Variants in PBX3 observed in about 807,000 individuals in gnomAD.
The protein encoded by PBX3 is pre-B-cell leukemia transcription factor 3.
PBX3 carries 14 observed loss-of-function variants against 48.5 expected under a neutral mutation model. The ratio of observed to expected loss-of-function variants is 0.29; its 90% confidence interval spans 0.19 to 0.45. The LOEUF (loss-of-function observed/expected upper bound fraction) is 0.45. Ranked by LOEUF, PBX3 falls within the 20% of genes least tolerant of loss-of-function variation. The pLI is 1.00. For synonymous variants in PBX3, 210 were observed against 200.3 expected (o/e 1.05, Z -0.41); for missense variants, 386 against 546.7 (o/e 0.71, Z 2.93).
At chr9:125,902,635 A>G (rs1236874661) in intron 2 of PBX3, among the ~76,000 whole-genome samples, 1 of 151,758 alleles carries the variant, frequency 6.6e-6, no homozygotes, top group Non-Finnish European at 1.5e-5. Context: ...ATGAATAGCT[A>G]CCTTTTTAAA....
At chr9:125,771,928 G>A (rs777901322) in intron 2 of PBX3, among the ~76,000 whole-genome samples, 3 of 152,156 alleles carry the variant, frequency 2.0e-5, no homozygotes, top group African/African-American at 4.8e-5. Context: ...TTAGCGTGCT[G>A]GGTAACCAGG....
intron 4 of PBX3, among the ~76,000 whole-genome samples, chr9:125,932,002 A>G (rs927462356): frequency 2.0e-5 from 3 of 152,198 alleles, no homozygotes; most frequent in African/African-American, 4.8e-5. Context: ...TTATTTATAT[A>G]TCACTAAATT....
At chr9:125,770,285 T>G (rs1218705692) in intron 2 of PBX3, among the ~76,000 whole-genome samples, 1 of 152,164 alleles carries the variant, frequency 6.6e-6, no homozygotes, top group Non-Finnish European at 1.5e-5. Context: ...TAATATGAAC[T>G]GTTGAAAAAA....
intron 2 of PBX3, among the ~76,000 whole-genome samples, chr9:125,781,532 G>A (rs1274016261): frequency 4.2e-5 from 6 of 143,460 alleles, no homozygotes; most frequent in South Asian, 2.3e-4. Context: ...GAGGGTGACC[G>A]AGAGGGAGAG....
chr9:125,772,093 G>T (rs936114018), intron 2 of PBX3, among the ~76,000 whole-genome samples: 2 of 152,152 alleles, frequency 1.3e-5, no homozygotes, highest in African/African-American at 4.8e-5. Flanking sequence ...AATTCAAAGT[G>T]AATCTTTCTG....
At chr9:125,918,472 G>A (rs1368639116) in intron 3 of PBX3, among the ~76,000 whole-genome samples, 2 of 151,704 alleles carry the variant, frequency 1.3e-5, no homozygotes, top group East Asian at 3.9e-4. Context: ...TTTTTAAATT[G>A]AAGATCAAAT....
At chr9:125,960,532 C>A in intron 5 of PBX3, 152 bp from the exon 6 acceptor site, 2 of 656,240 alleles carry the variant, frequency 3.0e-6, no homozygotes, top group Non-Finnish European at 5.3e-6. Context: ...AAATAACCCC[C>A]AAAACCATTA....
chr9:125,773,874 A>G (rs1837004603), intron 2 of PBX3, among the ~76,000 whole-genome samples: 1 of 152,216 alleles, frequency 6.6e-6, no homozygotes, highest in Non-Finnish European at 1.5e-5. Context: ...TGCATAACCT[A>G]AAATTAACTA....
intron 2 of PBX3, among the ~76,000 whole-genome samples, chr9:125,822,408 A>G (rs879106916): frequency 6.6e-6 from 1 of 152,198 alleles, no homozygotes; most frequent in African/African-American, 2.4e-5. Flanking sequence ...GATCTGGGAA[A>G]GATCTTTACT....
At chr9:125,809,460 G>C (rs1838224390) in intron 2 of PBX3, among the ~76,000 whole-genome samples, 1 of 150,192 alleles carries the variant, frequency 6.7e-6, no homozygotes, top group South Asian at 2.1e-4. Context: ...TAATCCTAAG[G>C]CTCCAGGTAT....
intron 5 of PBX3, among the ~76,000 whole-genome samples, chr9:125,950,476 C>T (rs938418040): frequency 7.3e-6 from 1 of 137,872 alleles, no homozygotes; most frequent in Admixed American, 8.3e-5. Flanking sequence ...TATAAATTTG[C>T]AACTTCTTTT....
intron 2 of PBX3, among the ~76,000 whole-genome samples, chr9:125,899,888 A>G (rs1840900482): frequency 6.6e-6 from 1 of 151,398 alleles, no homozygotes; most frequent in Non-Finnish European, 1.5e-5. Context: ...GCAACTCTGT[A>G]TATGTAACGA....
At chr9:125,801,041 G>A (rs531327803) in intron 2 of PBX3, among the ~76,000 whole-genome samples, 1 of 152,250 alleles carries the variant, frequency 6.6e-6, no homozygotes, top group Admixed American at 6.5e-5. Flanking sequence ...ATGAGCCACC[G>A]TGCTTGGCCT....
At chr9:125,853,729 A>G (rs966995462) in intron 2 of PBX3, among the ~76,000 whole-genome samples, 5 of 152,350 alleles carry the variant, frequency 3.3e-5, no homozygotes, top group Admixed American at 2.0e-4. Flanking sequence ...GATTGCAACT[A>G]TTTGAGTTTA....
intron 8 of PBX3, among the ~76,000 whole-genome samples, chr9:125,965,162 T>A (rs936345101): frequency 6.6e-6 from 1 of 152,194 alleles, no homozygotes; most frequent in African/African-American, 2.4e-5. Flanking sequence ...TAAGGCAAAT[T>A]TGTTTCTGAG....
intron 2 of PBX3, among the ~76,000 whole-genome samples, chr9:125,758,292 G>A (rs1836574621): frequency 6.6e-6 from 1 of 151,288 alleles, no homozygotes; most frequent in African/African-American, 2.4e-5. Flanking sequence ...CATCAAACCA[G>A]TTTCCTTTTT....
intron 2 of PBX3, among the ~76,000 whole-genome samples, chr9:125,878,109 G>C (rs1406145872): frequency 6.6e-6 from 1 of 152,182 alleles, no homozygotes. Context: ...ATTGTGATTT[G>C]TGGAAATGGA....
chr9:125,963,535 G>C (rs1378334584), intron 8 of PBX3, among the ~76,000 whole-genome samples: 1 of 152,222 alleles, frequency 6.6e-6, no homozygotes, highest in East Asian at 1.9e-4. Context: ...GCATCTTGCT[G>C]TATTGTCAAT....
At chr9:125,815,899 T>A (rs1322775487) in intron 2 of PBX3, among the ~76,000 whole-genome samples, 1 of 152,178 alleles carries the variant, frequency 6.6e-6, no homozygotes, top group Admixed American at 6.5e-5. Flanking sequence ...GATGCACTTG[T>A]CATTGTGGTG....
Sources: gnomAD v4.1 joint callset for allele counts (sites outside exome capture counted in the v4.1 genomes callset) on GRCh38, gnomAD v4.1.1 for gene constraint, MANE v1.5 for transcripts, NCBI Gene and HGNC (gene_info 2026-07-23, HGNC 2026-07-21) for gene names.